The following PKD1L1 variants were observed in gnomAD, a reference collection of about 807,000 sequenced individuals.
PKD1L1 encodes polycystin-1-like protein 1.
In PKD1L1, 236 loss-of-function variants were observed where a neutral mutation model predicts 323.4. The observed-to-expected ratio is 0.73, with a 90% CI of 0.66 to 0.81. PKD1L1 has a LOEUF of 0.81. PKD1L1 is among the 40% of genes least tolerant of loss of function. The pLI is 0.00. For missense variants in PKD1L1, 3,320 were observed against 3,508.0 expected (o/e 0.95, Z 1.35); for synonymous variants, 1,344 against 1,335.0 (o/e 1.01, Z -0.15).
At chr7:47,912,124 G>A (rs949004323) in intron 8 of PKD1L1, among the ~76,000 whole-genome samples, 5 of 152,080 alleles carry the variant, frequency 3.3e-5, no homozygotes, top group Non-Finnish European at 5.9e-5. Flanking sequence ...CACAAGAACA[G>A]GACTGAACAA....
chr7:47,887,971 A>C lies in PKD1L1; in HGVS notation c.2836+19T>G. 1 of 1,587,746 alleles carries C rather than the reference A, an allele frequency of 6.3e-7. No individual in the cohort carries two copies. Among genetic ancestry groups the C allele is most frequent in the East Asian group, 2.2e-5 (1 of 44,520 alleles). On this transcript the variant is annotated intron_variant, in intron 17 of 56. Coordinates refer to ENST00000289672, the MANE Select transcript of PKD1L1 (RefSeq NM_138295.5). ...GTTTTTCCCTCAGAAAACAAAATAA[A>C]GCTATTAATCCTTTTTACCTTCTAT...
chr7:47,874,773 C>T (rs1008414460), intron 23 of PKD1L1, among the ~76,000 whole-genome samples: 8 of 152,124 alleles, frequency 5.3e-5, no homozygotes, highest in Non-Finnish European at 8.8e-5. Flanking sequence ...GCTGAGTCTG[C>T]GCCACACTCA....
At chr7:47,781,765 C>A (rs1350449030) in intron 56 of PKD1L1, among the ~76,000 whole-genome samples, 1 of 151,944 alleles carries the variant, frequency 6.6e-6, no homozygotes, top group African/African-American at 2.4e-5. Context: ...CTGTTTTTTT[C>A]TCCTGCAAAT....
intron 24 of PKD1L1, among the ~76,000 whole-genome samples, chr7:47,869,574 C>T (rs912522116): frequency 6.6e-6 from 1 of 152,054 alleles, no homozygotes; most frequent in African/African-American, 2.4e-5. Context: ...AAATTGTAAA[C>T]ATATAGGGAC....
At chr7:47,793,286 T>C (rs998813320) in intron 55 of PKD1L1, among the ~76,000 whole-genome samples, 20 of 152,096 alleles carry the variant, frequency 1.3e-4, no homozygotes, top group African/African-American at 4.1e-4. Flanking sequence ...TCACCTGATA[T>C]GGTTTGGTTG....
In PKD1L1 at chr7:47,774,968, AC is replaced by A. The variant is rs1786535464; in HGVS notation, c.*174del. ...TGAGTAACAGTCTGATGACAGATAA[AC>A]CTTGATTTTCATCCTGGTTTCCCAT... On this transcript the variant is annotated 3_prime_UTR_variant, in exon 57 of 57. Coordinates refer to ENST00000289672, the MANE Select transcript of PKD1L1 (RefSeq NM_138295.5). 1 of 690,982 alleles carries A rather than the reference AC, an allele frequency of 1.4e-6. No individual in the cohort carries two copies. Among genetic ancestry groups the A allele is most frequent in the Non-Finnish European group, 2.6e-6 (1 of 389,500 alleles). The allele number at this position is 690,982 out of a possible 1,614,324, so 42.8% of individuals were successfully genotyped here.
the PKD1L1 span, among the ~76,000 whole-genome samples, chr7:47,959,470 C>T: frequency 4.8e-5 from 7 of 144,400 alleles, no homozygotes; most frequent in African/African-American, 1.6e-4. Flanking sequence ...GCCTCTGCCC[C>T]GCCGCCCCGT....
the PKD1L1 span, among the ~76,000 whole-genome samples, chr7:47,954,134 T>C: frequency 6.6e-6 from 1 of 152,150 alleles, no homozygotes; most frequent in African/African-American, 2.4e-5. Context: ...CACTGGATGA[T>C]GTCATGGTGC....
intron 37 of PKD1L1, among the ~76,000 whole-genome samples, chr7:47,835,503 C>A (rs936830936): frequency 6.6e-6 from 1 of 152,036 alleles, no homozygotes; most frequent in Admixed American, 6.6e-5. Flanking sequence ...CGGGTTCAAG[C>A]GATTCTCCTG....
At chr7:47,828,074 T>C (rs1785271398) in intron 44 of PKD1L1, among the ~76,000 whole-genome samples, 1 of 152,128 alleles carries the variant, frequency 6.6e-6, no homozygotes, top group Non-Finnish European at 1.5e-5. Flanking sequence ...ACAGCAGGAA[T>C]GTGAACAATA....
chr7:47,845,097 T>C lies in PKD1L1; in HGVS notation c.5154-19A>G. ...ATGGTAGCTAGGAGGGAAATGCGGATGAGGATACAGAATGTGTGGAGAGAG... is the reference window on the plus strand; with the variant it reads ...ATGGTAGCTAGGAGGGAAATGCGGACGAGGATACAGAATGTGTGGAGAGAG... On this transcript the variant is annotated intron_variant, in intron 32 of 56. Coordinates refer to ENST00000289672, the MANE Select transcript of PKD1L1 (RefSeq NM_138295.5). The C allele has an allele frequency of 6.2e-7, 1 of 1,606,172 alleles. No homozygotes were observed. The highest frequency in any genetic ancestry group is 8.5e-7 in the Non-Finnish European group (1 of 1,173,874).
chr7:47,867,714 T>C (rs1786196897), intron 24 of PKD1L1, among the ~76,000 whole-genome samples: 2 of 152,112 alleles, frequency 1.3e-5, no homozygotes, highest in Admixed American at 1.3e-4. Flanking sequence ...TCAAAGGAAG[T>C]TAGAACAATG....
At chr7:47,846,745 G>C in intron 32 of PKD1L1, 134 bp downstream of exon 32, 1 of 775,818 alleles carries the variant, frequency 1.3e-6, no homozygotes, top group Non-Finnish European at 2.0e-6. Flanking sequence ...ACAGGCTGGA[G>C]AGTTGTACAA....
chr7:47,918,728 T>C (rs1042178747), intron 7 of PKD1L1, among the ~76,000 whole-genome samples: 1 of 152,068 alleles, frequency 6.6e-6, no homozygotes, highest in Admixed American at 6.5e-5. Context: ...TTCAAAACCA[T>C]GCAAATACAT....
At chr7:47,954,462 T>C in the PKD1L1 span, among the ~76,000 whole-genome samples, 3 of 152,208 alleles carry the variant, frequency 2.0e-5, no homozygotes, top group Non-Finnish European at 4.4e-5. Flanking sequence ...TTATCAAAGA[T>C]GGTCTGCCCC....
chr7:47,908,850 TTTC>T (rs570290605), intron 8 of PKD1L1, among the ~76,000 whole-genome samples: 103 of 152,358 alleles, frequency 6.8e-4, no homozygotes, highest in African/African-American at 2.3e-3. Flanking sequence ...TTGCCCTCTC[TTTC>T]TTGTCTTGGG....
chr7:47,906,055 T>C (rs1787199879), intron 9 of PKD1L1, 93 bp from the exon 10 acceptor site: 1 of 1,240,906 alleles, frequency 8.1e-7, no homozygotes, highest in Non-Finnish European at 1.1e-6. Context: ...CATTTTTAAC[T>C]TTCCCCCTTT....
chr7:47,787,728 T>C (rs1450224488), intron 56 of PKD1L1, among the ~76,000 whole-genome samples: 1 of 152,178 alleles, frequency 6.6e-6, no homozygotes, highest in Non-Finnish European at 1.5e-5. Context: ...CATTTGCTTT[T>C]TGAGACAGGT....
intron 56 of PKD1L1, among the ~76,000 whole-genome samples, chr7:47,782,246 CCTT>C (rs1400312144): frequency 1.2e-4 from 18 of 152,154 alleles, no homozygotes; most frequent in African/African-American, 4.3e-4. Context: ...TGTTGTAGGT[CCTT>C]CAAAGGTCAG....
Sources: allele counts gnomAD v4.1 joint callset (sites outside exome capture counted in the v4.1 genomes callset), GRCh38; gene constraint gnomAD v4.1.1; transcripts MANE v1.5; gene names NCBI Gene and HGNC (gene_info 2026-07-23, HGNC 2026-07-21).